The following ZFAT variants were observed in gnomAD, a reference collection of about 807,000 sequenced individuals.
The protein encoded by ZFAT is zinc finger protein ZFAT.
ZFAT carries 64 observed loss-of-function variants against 117.7 expected under a neutral mutation model. That is an observed-to-expected ratio of 0.54 (90% CI 0.44 to 0.67). The LOEUF (loss-of-function observed/expected upper bound fraction) is 0.67, where lower values mean the gene tolerates loss of function less well. ZFAT is among the 30% of genes least tolerant of loss of function. The pLI is 0.00. For synonymous variants in ZFAT, 679 were observed against 615.0 expected (o/e 1.10, Z -1.54); for missense variants, 1,433 against 1,584.5 (o/e 0.90, Z 1.62).
chr8:134,540,989 G>A (rs10109960), intron 11 of ZFAT, among the ~76,000 whole-genome samples: 41 of 152,224 alleles, frequency 2.7e-4, no homozygotes, highest in African/African-American at 9.4e-4. Flanking sequence ...ACTGGCACCA[G>A]AGGGGAGAGG....
At chr8:134,586,102 T>C (rs564116646) in intron 9 of ZFAT, among the ~76,000 whole-genome samples, 5 of 152,224 alleles carry the variant, frequency 3.3e-5, no homozygotes, top group Admixed American at 6.5e-5. Context: ...GTATGGTGTG[T>C]GTACTGATAT....
the ZFAT span, among the ~76,000 whole-genome samples, chr8:134,737,056 A>G: frequency 6.6e-6 from 1 of 152,186 alleles, no homozygotes; most frequent in African/African-American, 2.4e-5. Context: ...CAAGGCGGGC[A>G]GATCACCTGA....
the ZFAT span, among the ~76,000 whole-genome samples, chr8:134,720,080 T>C: frequency 1.3e-5 from 2 of 152,174 alleles, no homozygotes; most frequent in Non-Finnish European, 2.9e-5. Context: ...ATCCATGCTG[T>C]AAGGAAGCTC....
At chr8:134,485,538 C>G (rs1377444759) in intron 15 of ZFAT, among the ~76,000 whole-genome samples, 1 of 152,194 alleles carries the variant, frequency 6.6e-6, no homozygotes, top group East Asian at 1.9e-4. Flanking sequence ...TTTCTGGAAT[C>G]CTTGACACTG....
chr8:134,612,193 A>G (rs1017932904), intron 3 of ZFAT, among the ~76,000 whole-genome samples: 3 of 152,256 alleles, frequency 2.0e-5, no homozygotes, highest in African/African-American at 7.2e-5. Context: ...ACAATTCCAC[A>G]TAAGCCTTTC....
chr8:134,572,508 A>G (rs1824993402), intron 10 of ZFAT, among the ~76,000 whole-genome samples: 1 of 152,194 alleles, frequency 6.6e-6, no homozygotes, highest in African/African-American at 2.4e-5. Flanking sequence ...CTTTTAAAAA[A>G]CAGCCCCCCA....
intron 1 of ZFAT, among the ~76,000 whole-genome samples, chr8:134,709,812 G>A (rs181829391): frequency 6.6e-6 from 1 of 152,064 alleles, no homozygotes; most frequent in East Asian, 1.9e-4. Flanking sequence ...TCCTTTCACC[G>A]GAGGCAAATG....
At chr8:134,724,671 A>G in the ZFAT span, among the ~76,000 whole-genome samples, 4 of 152,052 alleles carry the variant, frequency 2.6e-5, no homozygotes, top group East Asian at 7.7e-4. Context: ...AAGTCCCAGA[A>G]CCTCTTTAGC....
intron 3 of ZFAT, among the ~76,000 whole-genome samples, chr8:134,628,220 G>A (rs892273200): frequency 6.6e-6 from 1 of 152,150 alleles, no homozygotes; most frequent in Non-Finnish European, 1.5e-5. Flanking sequence ...GATCATTGAA[G>A]GTCAAGCATA....
chr8:134,779,115 G>A, the ZFAT span, among the ~76,000 whole-genome samples: 2 of 152,228 alleles, frequency 1.3e-5, no homozygotes, highest in Non-Finnish European at 2.9e-5. Context: ...CTGTGCTTAA[G>A]CCAGGGAATC....
chr8:134,549,921 C>T (rs1031250440), intron 11 of ZFAT, among the ~76,000 whole-genome samples: 17 of 151,966 alleles, frequency 1.1e-4, no homozygotes, highest in South Asian at 2.1e-4. Flanking sequence ...GACAAACGCC[C>T]GAAAGGAAGA....
Position 134,657,711 on chromosome 8 carries a change from A to G in ZFAT, c.46T>C (p.Cys16Arg). 1.9e-6 allele frequency: 3 copies of G among 1,612,680 alleles called. No homozygotes were observed. Among genetic ancestry groups the G allele is most frequent in the Non-Finnish European group, 2.5e-6 (3 of 1,179,662 alleles). The change falls in exon 2 of 16, where the codon TGT becomes CGT. Residue 16 changes from cysteine to arginine, a missense_variant. Cys to Arg is a radical substitution (Grantham distance 180). This residue lies in a region of ZFAT where 436 missense variants were observed against 482.0 expected (regional missense o/e 0.90). Transcript: ENST00000377838. ...TGATTTGGTGAGAAGAGGTTACAAC[A>G]TTTACACATAAAGATGGCCGTGTTT... Reference protein sequence around the residue: ...AENTAIFMCKCCNLFSPNQSE... With the variant: ...AENTAIFMCKRCNLFSPNQSE...
chr8:134,632,835 C>T (rs1166367181), intron 3 of ZFAT, among the ~76,000 whole-genome samples: 1 of 151,922 alleles, frequency 6.6e-6, no homozygotes, highest in African/African-American at 2.4e-5. Context: ...CACAGAATGC[C>T]CCCAATCACA....
At chr8:134,535,912 A>T (rs529336006) in intron 11 of ZFAT, among the ~76,000 whole-genome samples, 1 of 152,320 alleles carries the variant, frequency 6.6e-6, no homozygotes, top group Admixed American at 6.5e-5. Flanking sequence ...AAAAGTGAAA[A>T]TGCTATATTG....
intron 1 of ZFAT, among the ~76,000 whole-genome samples, chr8:134,698,148 C>T (rs1833919868): frequency 6.6e-6 from 1 of 151,756 alleles, no homozygotes; most frequent in African/African-American, 2.4e-5. Context: ...CATGGCAAAA[C>T]CCCGTCTCTA....
the ZFAT span, among the ~76,000 whole-genome samples, chr8:134,815,291 A>G: frequency 1.9e-3 from 292 of 152,338 alleles, 3 homozygotes; most frequent in African/African-American, 6.7e-3. Flanking sequence ...TCTTAGTAAA[A>G]TTAAAAAGAT....
At chr8:134,535,908 G>A (rs954603214) in intron 11 of ZFAT, among the ~76,000 whole-genome samples, 1 of 152,110 alleles carries the variant, frequency 6.6e-6, no homozygotes. Context: ...AAGAAAAAGT[G>A]AAAATGCTAT....
chr8:134,707,164 C>A (rs748243146), intron 1 of ZFAT, among the ~76,000 whole-genome samples: 18 of 152,068 alleles, frequency 1.2e-4, no homozygotes, highest in Non-Finnish European at 2.1e-4. Context: ...CCTACAAGAC[C>A]CAGCTCAAAA....
chr8:134,565,601 T>C, intron 10 of ZFAT, 180 bp from the exon 11 acceptor site: 1 of 717,814 alleles, frequency 1.4e-6, no homozygotes, highest in South Asian at 1.5e-5. Context: ...CTTCAACAGG[T>C]GGGAGTGGAG....
Sources: gnomAD v4.1 joint callset for allele counts (sites outside exome capture counted in the v4.1 genomes callset) on GRCh38, gnomAD v4.1.1 for gene constraint, gnomAD v4.1.1 regional missense constraint, MANE v1.5 for transcripts, NCBI Gene and HGNC (gene_info 2026-07-23, HGNC 2026-07-21) for gene names.